The following PGM5 variants were observed in gnomAD, a reference collection of about 807,000 sequenced individuals.
The protein encoded by PGM5 is phosphoglucomutase-like protein 5.
A neutral mutation model predicts 59.2 loss-of-function variants in PGM5; 23 were observed. The observed-to-expected ratio is 0.39, with a 90% confidence interval of 0.28 to 0.55. PGM5 has a LOEUF of 0.55. Ranked by LOEUF, PGM5 falls within the 20% of genes least tolerant of loss-of-function variation. The pLI is 0.66. For synonymous variants in PGM5, 214 were observed against 286.0 expected, an observed-to-expected ratio of 0.75 and a Z score of 2.54; for missense variants, 574 against 748.3, an observed-to-expected ratio of 0.77 and a Z score of 2.72.
At chr9:68,412,122 T>C (rs1391456978) in intron 6 of PGM5, among the ~76,000 whole-genome samples, 2 of 150,120 alleles carry the variant, frequency 1.3e-5, no homozygotes, top group Non-Finnish European at 3.0e-5. Context: ...GAATGCTTTC[T>C]CTTTTCTAAT....
At chr9:68,477,597 T>C (rs1275268364) in intron 7 of PGM5, among the ~76,000 whole-genome samples, 1 of 152,212 alleles carries the variant, frequency 6.6e-6, no homozygotes, top group Non-Finnish European at 1.5e-5. Flanking sequence ...TCTTAAGACA[T>C]TACTATTGCT....
chr9:68,407,771 C>A lies in PGM5; in HGVS notation c.1043+15298C>A, dbSNP rs181153958. ...TTGTGAGCATTTGTTCATTTTATAACCTGTTTAGTAGTTCAGCCAAAAGCA... is the reference window on the plus strand; with the variant it reads ...TTGTGAGCATTTGTTCATTTTATAAACTGTTTAGTAGTTCAGCCAAAAGCA... On this transcript the variant is annotated intron_variant, in intron 6 of 10. Transcript: ENST00000396396. Among the ~76,000 whole-genome samples the A allele has an allele frequency of 1.4e-4, 21 of 152,236 alleles. No individual in the cohort carries two copies. In the Middle Eastern group the frequency reaches 0.01, roughly 74 times the overall value.
intron 6 of PGM5, among the ~76,000 whole-genome samples, chr9:68,436,367 A>G (rs1341624787): frequency 6.6e-6 from 1 of 152,184 alleles, no homozygotes; most frequent in African/African-American, 2.4e-5. Context: ...TCATTGGCGG[A>G]GGGAAGCTGG....
intron 6 of PGM5, among the ~76,000 whole-genome samples, chr9:68,455,279 TG>T (rs1554684711): frequency 6.6e-6 from 1 of 152,224 alleles, no homozygotes; most frequent in African/African-American, 2.4e-5. Context: ...TGCAAAGTTT[TG>T]CATGTTGCCC....
chr9:68,376,475 CTGTGTGTGTGTGTGTGTGTGTGTG>C (rs71353047), intron 1 of PGM5, among the ~76,000 whole-genome samples: 2 of 129,570 alleles, frequency 1.5e-5, no homozygotes, highest in South Asian at 2.8e-4. Context: ...TGCTTTTGAG[CTGTGTGTGTGTGTGTGTGTGTGTG>C]TGTGTGTGTG....
intron 6 of PGM5, among the ~76,000 whole-genome samples, chr9:68,417,133 G>A (rs949920227): frequency 1.3e-5 from 2 of 152,146 alleles, no homozygotes; most frequent in Non-Finnish European, 2.9e-5. Flanking sequence ...AATCGGATAC[G>A]GGCCTACTGG....
intron 10 of PGM5, among the ~76,000 whole-genome samples, chr9:68,504,428 G>A (rs1824624838): frequency 6.6e-6 from 1 of 152,142 alleles, no homozygotes. Flanking sequence ...TACTGGAAAT[G>A]GCCCCCTTCT....
chr9:68,524,451 T>C (rs1217987009), intron 10 of PGM5, among the ~76,000 whole-genome samples: 1 of 152,142 alleles, frequency 6.6e-6, no homozygotes, highest in Non-Finnish European at 1.5e-5. Flanking sequence ...CTGTTGACTG[T>C]AGAAGAAATA....
chr9:68,382,800 T>C (rs1444703634), intron 2 of PGM5, among the ~76,000 whole-genome samples: 2 of 151,726 alleles, frequency 1.3e-5, no homozygotes, highest in East Asian at 3.9e-4. Flanking sequence ...TCAGCATGGA[T>C]GGTTGAATGG....
At chr9:68,469,335 C>G (rs1318294374) in intron 7 of PGM5, among the ~76,000 whole-genome samples, 1 of 151,718 alleles carries the variant, frequency 6.6e-6, no homozygotes, top group African/African-American at 2.4e-5. Flanking sequence ...TCTGTTGAGT[C>G]TTTCACAGAA....
chr9:68,418,823 T>C (rs1823080426), intron 6 of PGM5, among the ~76,000 whole-genome samples: 1 of 152,100 alleles, frequency 6.6e-6, no homozygotes, highest in African/African-American at 2.4e-5. Flanking sequence ...AAACCCCCTC[T>C]AGCACCCCAT....
intron 1 of PGM5, among the ~76,000 whole-genome samples, chr9:68,362,918 G>A (rs11139575): frequency 0.3 from 41,305 of 136,128 alleles, 5,205 homozygotes; most frequent in Admixed American, 0.37. Context: ...ACCCAGGCTA[G>A]AGTGCAGTGG....
chr9:68,367,991 C>T (rs1346834732), intron 1 of PGM5, among the ~76,000 whole-genome samples: 38 of 152,178 alleles, frequency 2.5e-4, no homozygotes, highest in South Asian at 8.3e-4. Context: ...TATATTTATA[C>T]GTATCTATAC....
At chr9:68,360,891 C>A (rs1834564205) in intron 1 of PGM5, among the ~76,000 whole-genome samples, 2 of 151,966 alleles carry the variant, frequency 1.3e-5, no homozygotes, top group South Asian at 4.1e-4. Context: ...TTACCCAGTC[C>A]ACATTCAGAT....
intron 1 of PGM5, among the ~76,000 whole-genome samples, chr9:68,360,544 G>C (rs1463153545): frequency 6.7e-6 from 1 of 150,304 alleles, no homozygotes; most frequent in African/African-American, 2.4e-5. Flanking sequence ...TATTTTTGAA[G>C]CTATAGTTGT....
At chr9:68,470,199 T>G (rs1036170659) in intron 7 of PGM5, among the ~76,000 whole-genome samples, 96 of 152,244 alleles carry the variant, frequency 6.3e-4, no homozygotes, top group African/African-American at 2.1e-3. Context: ...GTTTATTTCT[T>G]ATGCCTGTAG....
intron 7 of PGM5, chr9:68,466,100 A>C: frequency 7.8e-7 from 1 of 1,274,808 alleles, no homozygotes; most frequent in Non-Finnish European, 1.0e-6. Context: ...TTGTGATGAC[A>C]AATGAGCTCT....
At chr9:68,381,321 GC>G (rs1162412710) in intron 2 of PGM5, among the ~76,000 whole-genome samples, 2 of 132,606 alleles carry the variant, frequency 1.5e-5, no homozygotes, top group African/African-American at 5.6e-5. Context: ...AGAAAGTTCA[GC>G]ATTCTTTCTT....
At chr9:68,380,608 A>G (rs1554678237) in intron 2 of PGM5, among the ~76,000 whole-genome samples, 1 of 151,890 alleles carries the variant, frequency 6.6e-6, no homozygotes, top group East Asian at 1.9e-4. Context: ...ACAGAAGCAA[A>G]TAAAATGTAG....
Sources: gnomAD v4.1 joint callset for allele counts (sites outside exome capture counted in the v4.1 genomes callset) on GRCh38, gnomAD v4.1.1 for gene constraint, MANE v1.5 for transcripts, NCBI Gene and HGNC (gene_info 2026-07-23, HGNC 2026-07-21) for gene names.